AP2M1: variants seen among roughly 807,000 people sequenced by gnomAD.
The protein encoded by AP2M1 is adaptor related protein complex 2 subunit mu 1.
In AP2M1, 5 loss-of-function variants were observed where a neutral mutation model predicts 54.5. The ratio of observed to expected loss-of-function variants is 0.09; its 90% confidence interval spans 0.05 to 0.19. AP2M1 has a LOEUF of 0.19. Ranked by LOEUF, AP2M1 falls within the 10% of genes least tolerant of loss-of-function variation. AP2M1 has a pLI of 1.00. For synonymous variants in AP2M1, 186 were observed against 208.2 expected, an observed-to-expected ratio of 0.89 and a Z score of 0.92; for missense variants, 178 against 580.2, an observed-to-expected ratio of 0.31 and a Z score of 7.12.
chr3:184,177,564 A>G, intron 2 of AP2M1: 1 of 1,535,914 alleles, frequency 6.5e-7, no homozygotes, highest in Non-Finnish European at 8.7e-7. Context: ...CTGCTGACTC[A>G]GCTGTCTTCA....
intron 2 of AP2M1, among the ~76,000 whole-genome samples, chr3:184,177,291 C>T (rs1715105491): frequency 6.6e-6 from 1 of 152,230 alleles, no homozygotes; most frequent in Middle Eastern, 3.2e-3. Context: ...TGGCATGGTC[C>T]CACAGCTTTA....
intron 3 of AP2M1, among the ~76,000 whole-genome samples, chr3:184,179,773 G>T (rs11928573): frequency 0.032 from 4,795 of 150,580 alleles, 244 homozygotes; most frequent in African/African-American, 0.11. Flanking sequence ...CAATCCTCCA[G>T]CCTTAGCCTC....
chr3:184,181,786 C>T lies in AP2M1; in HGVS notation c.798C>T (p.Ile266=), dbSNP rs779389033. The change falls in exon 8 of 12, where the codon ATC becomes ATT. Residue 266 remains isoleucine, a synonymous_variant. Transcript: ENST00000292807. The surrounding 1 kb of genome is among the most constrained non-coding windows in gnomAD (Gnocchi z 5.7). ...KFDSERSISF[I]PPDGEFELMR... is the part of the protein sequence containing the mutation. The stretch of plus-strand genomic sequence containing the variant: ...ACTCTGAACGCAGCATCAGCTTTAT[C>T]CCGCCAGATGGAGAGTTTGAGCTTA... The T allele has an allele frequency of 6.2e-7, 1 of 1,614,194 alleles. No individual in the cohort carries two copies. The highest frequency in any genetic ancestry group is 1.1e-5 in the South Asian group (1 of 91,088).
Position 184,177,035 on chromosome 3 carries a change from G to A in AP2M1, c.42G>A (p.Val14=), listed in dbSNP as rs2231214. 1.2e-6 allele frequency: 2 copies of A among 1,613,808 alleles called. No homozygotes were observed. The highest frequency in any genetic ancestry group is 1.1e-5 in the South Asian group (1 of 91,048). ...GLFIYNHKGE[V]LISRVYRDDI... is the part of the protein sequence containing the mutation. ...TCATCTATAATCACAAGGGGGAGGT[G>A]CTCATCTCCCGAGTCTACCGAGATG... The change falls in exon 2 of 12, where the codon GTG becomes GTA. Residue 14 remains valine, a synonymous_variant. Transcript: ENST00000292807.
At position 184,180,351 on chromosome 3, in the gene AP2M1, T is replaced by C. The variant is rs1715230362; in HGVS notation, c.423+100T>C. 3.6e-6 allele frequency: 5 copies of C among 1,405,410 alleles called. No homozygotes were observed. Among genetic ancestry groups the C allele is most frequent in the Non-Finnish European group, 9.8e-7 (1 of 1,018,702 alleles). The allele number at this position is 1,405,410 out of a possible 1,614,324, so 87.1% of individuals were successfully genotyped here. A position where few individuals can be genotyped will look rare whatever the true frequency, so the allele number is the denominator to read the frequency against. ...CTGAGCTGACTCATGAGCCCTCCCATGACAGGAAGTGCTGGCCTGAGCCTC... is the reference window on the plus strand; with the variant it reads ...CTGAGCTGACTCATGAGCCCTCCCACGACAGGAAGTGCTGGCCTGAGCCTC... On this transcript the variant is annotated intron_variant, in intron 4 of 11. Transcript: ENST00000292807. The surrounding 1 kb of genome is among the most constrained non-coding windows in gnomAD (Gnocchi z 4.9).
In AP2M1 at chr3:184,183,067, TTC is replaced by T. The variant is rs1715327441; in HGVS notation, c.1173+204_1173+205del. The T allele has an allele frequency of 1.6e-6, 1 of 638,930 alleles. No homozygotes were observed. The highest frequency in any genetic ancestry group is 1.8e-5 in the African/African-American group (1 of 55,206). The allele number at this position is 638,930 out of a possible 1,614,324, so 39.6% of individuals were successfully genotyped here. Reference sequence around the variant, plus strand: ...ATTTGTGATGAGGCAAATCTTTTACTTCTCTCGGCTTGTCCTAACACAGTTCT... The same window carrying T: ...ATTTGTGATGAGGCAAATCTTTTACTTCTCGGCTTGTCCTAACACAGTTCT... On this transcript the variant is annotated intron_variant, in intron 11 of 11. Transcript: ENST00000292807. This position sits in a 1 kb window ranked among gnomAD's most constrained non-coding sequence, Gnocchi z 5.7.
In AP2M1 at chr3:184,181,095, G is replaced by A; in HGVS notation, c.576G>A (p.Leu192=). ...CTGTTCCATCACCAGGGCAGGTGCT[G>A]AGTGCCCATGTGTCGGGCCGGGTGG... The part of the protein sequence containing the change: ...NLLMSPQGQV[L]SAHVSGRVVM... Residue 192 remains leucine, a synonymous_variant, in exon 7 of 12, where the codon CTG becomes CTA. Transcript: ENST00000292807. This position sits in a 1 kb window ranked among gnomAD's most constrained non-coding sequence, Gnocchi z 5.7. 1 of 1,614,184 alleles carries A rather than the reference G, an allele frequency of 6.2e-7. No homozygotes were observed. Among genetic ancestry groups the A allele is most frequent in the Non-Finnish European group, 8.5e-7 (1 of 1,180,042 alleles).
At position 184,178,082 on chromosome 3, in the gene AP2M1, C is replaced by G. The variant is rs535573704; in HGVS notation, c.75-775C>G. 8.7e-7 allele frequency: 1 copy of G among 1,145,226 alleles called. No homozygotes were observed. Among genetic ancestry groups the G allele is most frequent in the Non-Finnish European group, 1.3e-6 (1 of 790,760 alleles). 70.9% of individuals were successfully genotyped at this position (1,145,226 alleles called of 1,614,324 possible). On this transcript the variant is annotated intron_variant, in intron 2 of 11. Transcript: ENST00000292807. The surrounding 1 kb of genome is among the most constrained non-coding windows in gnomAD (Gnocchi z 4.9). The stretch of plus-strand genomic sequence containing the variant: ...AAGGCCAGGTCACACGCCGCCTTGC[C>G]TGTCTTGTCTGCTTCTGCCTCACGG...
chr3:184,177,547 C>G lies in AP2M1; in HGVS notation c.74+480C>G, dbSNP rs145663189. 3 of 1,535,844 alleles carry G rather than the reference C, an allele frequency of 2.0e-6. No homozygotes were observed. In the South Asian group the frequency reaches 3.6e-5, roughly 18 times the overall value. On this transcript the variant is annotated intron_variant, in intron 2 of 11. Transcript: ENST00000292807. ...CTCTCCTGCTCCCTTTCTCAGGAGT[C>G]GTCAGGCTGCTGACTCAGCTGTCTT...
Position 184,180,491 on chromosome 3 carries a change from G to T in AP2M1, c.424-154G>T. On this transcript the variant is annotated intron_variant, in intron 4 of 11. Transcript: ENST00000292807. This position sits in a 1 kb window ranked among gnomAD's most constrained non-coding sequence, Gnocchi z 4.9. ...CAAGCAGTTTCCTTTTGCACTGAGG[G>T]GTGGGGGAGGAGGCCTGGTCTTGAG... is the stretch of plus-strand genomic sequence containing the variant. The T allele has an allele frequency of 8.0e-7, 1 of 1,248,630 alleles. No homozygotes were observed. Among genetic ancestry groups the T allele is most frequent in the Non-Finnish European group, 1.1e-6 (1 of 880,140 alleles). The allele number at this position is 1,248,630 out of a possible 1,614,324, so 77.3% of individuals were successfully genotyped here. A position where few individuals can be genotyped will look rare whatever the true frequency, so the allele number is the denominator to read the frequency against.
rs1491588200 is a variant in AP2M1 at position 184,182,332 on chromosome 3, G to GGGGCA, written c.1061+88_1061+92dup. The GGGGCA allele has an allele frequency of 5.6e-6, 8 of 1,435,184 alleles. No individual in the cohort carries two copies. The African/African-American group carries it at 8.5e-5, about 15-fold the overall frequency. The allele number at this position is 1,435,184 out of a possible 1,614,324, so 88.9% of individuals were successfully genotyped here. A position where few individuals can be genotyped will look rare whatever the true frequency, so the allele number is the denominator to read the frequency against. On this transcript the variant is annotated intron_variant, in intron 10 of 11. Transcript: ENST00000292807. The surrounding 1 kb of genome is among the most constrained non-coding windows in gnomAD (Gnocchi z 5.5). ...TTTCAGCTTTGATCCTTCTGAATGA[G>GGGGCA]GGGCAGGGGAGTGTGCCTGTTTGCT...
chr3:184,180,532 G>A lies in AP2M1; in HGVS notation c.424-113G>A, dbSNP rs1041666654. ...TGGTCTTGAGGCCTGGTATTCCTCA[G>A]GAGGAGCGAGCTTGGGCCCTCTCCT... On this transcript the variant is annotated intron_variant, in intron 4 of 11. Coordinates refer to ENST00000292807, the MANE Select transcript of AP2M1 (RefSeq NM_004068.4). This position sits in a 1 kb window ranked among gnomAD's most constrained non-coding sequence, Gnocchi z 4.9. 13 of 1,536,692 alleles carry A rather than the reference G, an allele frequency of 8.5e-6. No homozygotes were observed. In the Admixed American group the frequency reaches 2.3e-4, roughly 27 times the overall value.
chr3:184,179,234 T>C, intron 3 of AP2M1, 112 bp downstream of exon 3: 1 of 1,367,702 alleles, frequency 7.3e-7, no homozygotes, highest in South Asian at 1.4e-5. Context: ...GAACTTTCTT[T>C]CCTGAGTATT....
Position 184,183,290 on chromosome 3 carries a change from T to C in AP2M1, c.1174-192T>C, listed in dbSNP as rs896434740. On this transcript the variant is annotated intron_variant, in intron 11 of 11. Coordinates refer to ENST00000292807, the MANE Select transcript of AP2M1 (RefSeq NM_004068.4). The surrounding 1 kb of genome is among the most constrained non-coding windows in gnomAD (Gnocchi z 5.7). ...GTCTCCTGCTGATTAAAGGAACTGA[T>C]TCAAGGTGTCACAGGTAGGGCTTTC... 9.2e-5 allele frequency: 65 copies of C among 708,120 alleles called. No homozygotes were observed. Among genetic ancestry groups the C allele is most frequent in the South Asian group, 1.9e-5 (1 of 53,050 alleles). The allele number at this position is 708,120 out of a possible 1,614,324, so 43.9% of individuals were successfully genotyped here. A position where few individuals can be genotyped will look rare whatever the true frequency, so the allele number is the denominator to read the frequency against.
In AP2M1 at chr3:184,181,554, T is replaced by C. The variant is rs1377389676; in HGVS notation, c.708-142T>C. 4.1e-6 allele frequency: 5 copies of C among 1,211,600 alleles called. No homozygotes were observed. Among genetic ancestry groups the C allele is most frequent in the Non-Finnish European group, 5.8e-6 (5 of 863,696 alleles). 75.1% of individuals were successfully genotyped at this position (1,211,600 alleles called of 1,614,324 possible). On this transcript the variant is annotated intron_variant, in intron 7 of 11. Coordinates refer to ENST00000292807, the MANE Select transcript of AP2M1 (RefSeq NM_004068.4). The surrounding 1 kb of genome is among the most constrained non-coding windows in gnomAD (Gnocchi z 5.7). ...GCAAGGCTTCCCTCTCATCCCAAGC[T>C]CTGGGGCAGACCTCCGAGTCACAAA...
intron 2 of AP2M1, chr3:184,177,673 C>G: frequency 6.9e-7 from 1 of 1,444,944 alleles, no homozygotes; most frequent in Non-Finnish European, 9.4e-7. Flanking sequence ...CTCAGTAGAC[C>G]CAGAGCAGCT....
In AP2M1 at chr3:184,181,563, G is replaced by A; in HGVS notation, c.708-133G>A. 7.8e-7 allele frequency: 1 copy of A among 1,277,412 alleles called. No homozygotes were observed. The highest frequency in any genetic ancestry group is 1.1e-6 in the Non-Finnish European group (1 of 917,352). 79.1% of individuals were successfully genotyped at this position (1,277,412 alleles called of 1,614,324 possible). A position where few individuals can be genotyped will look rare whatever the true frequency, so the allele number is the denominator to read the frequency against. On this transcript the variant is annotated intron_variant, in intron 7 of 11. Transcript: ENST00000292807. The surrounding 1 kb of genome is among the most constrained non-coding windows in gnomAD (Gnocchi z 5.7). ...CCCTCTCATCCCAAGCTCTGGGGCAGACCTCCGAGTCACAAAGCTGCATTC... is the reference window on the plus strand; with the variant it reads ...CCCTCTCATCCCAAGCTCTGGGGCAAACCTCCGAGTCACAAAGCTGCATTC...
chr3:184,176,807 GGGGAGGGGCATGTCT>G, intron 1 of AP2M1, 129 bp from the exon 2 acceptor site: 1 of 542,858 alleles, frequency 1.8e-6, no homozygotes, highest in Non-Finnish European at 3.2e-6. Context: ...GCCTGGCTGA[GGGGAGGGGCATGTCT>G]GGGAGGGCTG....
At position 184,174,895 on chromosome 3, in the gene AP2M1, G is replaced by A; in HGVS notation, c.-108G>A. On this transcript the variant is annotated 5_prime_UTR_variant, in exon 1 of 12. Transcript: ENST00000292807. ...GAGGCAGCGGGCAGACGAGCAGGGG[G>A]CGGGCGGACATCTTGGGATCCGGAG... 1 of 398,584 alleles carries A rather than the reference G, an allele frequency of 2.5e-6. No individual in the cohort carries two copies. Among genetic ancestry groups the A allele is most frequent in the Non-Finnish European group, 4.4e-6 (1 of 225,982 alleles). The allele number at this position is 398,584 out of a possible 1,614,324, so 24.7% of individuals were successfully genotyped here. A position where few individuals can be genotyped will look rare whatever the true frequency, so the allele number is the denominator to read the frequency against.
Sources: gnomAD v4.1 joint callset for allele counts (sites outside exome capture counted in the v4.1 genomes callset) on GRCh38, gnomAD v4.1.1 for gene constraint, Gnocchi (gnomAD v3.1) non-coding constraint, MANE v1.5 for transcripts, NCBI Gene and HGNC (gene_info 2026-07-23, HGNC 2026-07-21) for gene names.